Variants in AKT3 observed in about 807,000 individuals in gnomAD.
AKT3 encodes RAC-gamma serine/threonine-protein kinase.
Under a neutral mutation model 65.3 loss-of-function variants are expected in AKT3, and 15 were observed. That is an observed-to-expected ratio of 0.23 (90% CI 0.15 to 0.35). The LOEUF is 0.35. Among genes scored for constraint, AKT3 ranks in the 10% least tolerant of loss-of-function variants. The pLI is 1.00. For missense variants in AKT3, 243 were observed against 576.5 expected (o/e 0.42, Z 5.92); for synonymous variants, 206 against 183.8 (o/e 1.12, Z -0.98).
intron 4 of AKT3, among the ~76,000 whole-genome samples, chr1:243,654,159 T>C (rs575511508): frequency 6.6e-6 from 1 of 152,242 alleles, no homozygotes; most frequent in East Asian, 1.9e-4. Flanking sequence ...AATTGTAACT[T>C]AAATTATAAT....
chr1:243,615,003 A>C, intron 7 of AKT3, 93 bp downstream of exon 7: 1 of 914,850 alleles, frequency 1.1e-6, no homozygotes, highest in Non-Finnish European at 1.7e-6. Flanking sequence ...TGAGATATCT[A>C]AATGAATAGT....
chr1:243,819,753 G>A (rs537815142), intron 2 of AKT3, among the ~76,000 whole-genome samples: 1 of 152,202 alleles, frequency 6.6e-6, no homozygotes, highest in Admixed American at 6.5e-5. Flanking sequence ...GCTGGCATCA[G>A]GTCGGTGCCC....
In AKT3 at chr1:243,809,850, A is replaced by C. The variant is rs141405079; in HGVS notation, c.46+33275T>G. Among the ~76,000 whole-genome samples the C allele has an allele frequency of 8.2e-3, 1,249 of 152,328 alleles. 12 individuals are homozygous for C. The highest frequency in any genetic ancestry group is 0.029 in the African/African-American group (1,198 of 41,558). On this transcript the variant is annotated intron_variant, in intron 2 of 13. Coordinates refer to ENST00000673466, the MANE Select transcript of AKT3 (RefSeq NM_005465.7). The stretch of plus-strand genomic sequence containing the variant: ...CAAACTGTTTCTCAGACCACAGTGC[A>C]ACCAAACTAGAACTCAGGATTAAGA...
chr1:243,648,407 G>C (rs1013723202), intron 4 of AKT3, among the ~76,000 whole-genome samples: 1 of 152,090 alleles, frequency 6.6e-6, no homozygotes, highest in Non-Finnish European at 1.5e-5. Flanking sequence ...ACACAACTTT[G>C]AATTCTTGGG....
At chr1:243,703,536 G>A (rs1572198939) in intron 2 of AKT3, among the ~76,000 whole-genome samples, 2 of 151,966 alleles carry the variant, frequency 1.3e-5, no homozygotes, top group Non-Finnish European at 2.9e-5. Flanking sequence ...TGAGGCAGGC[G>A]GATCACTTGA....
At chr1:243,640,310 T>C (rs1171306624) in intron 5 of AKT3, among the ~76,000 whole-genome samples, 1 of 152,212 alleles carries the variant, frequency 6.6e-6, no homozygotes, top group Admixed American at 6.5e-5. Flanking sequence ...AAGCTATTTG[T>C]GCTAGGTAGT....
chr1:243,699,816 C>T (rs1483829002), intron 2 of AKT3, among the ~76,000 whole-genome samples: 2 of 151,876 alleles, frequency 1.3e-5, no homozygotes, highest in Non-Finnish European at 2.9e-5. Flanking sequence ...TCTAGGTAAG[C>T]CCTAAATCCA....
rs369512939 is a variant in AKT3, at chr1:243,795,475, G to GTTT, written c.46+47649_46+47650insAAA. Among the ~76,000 whole-genome samples, 76 of 87,988 alleles carry GTTT rather than the reference G, an allele frequency of 8.6e-4. 6 individuals carry two copies. The highest frequency in any genetic ancestry group is 1.0e-3 in the Non-Finnish European group (54 of 52,404). 57.7% of individuals were successfully genotyped at this position (87,988 alleles called of 152,430 possible). A position where few individuals can be genotyped will look rare whatever the true frequency, so the allele number is the denominator to read the frequency against. On this transcript the variant is annotated intron_variant, in intron 2 of 13. Coordinates refer to ENST00000673466, the MANE Select transcript of AKT3 (RefSeq NM_005465.7). ...TTTTTTTTTTTTGTTTTTTTTTTTT[G>GTTT]GTTTTTTTTTTTTTGAGACGGAGTC...
At chr1:243,835,864 CCAA>C (rs1252738276) in intron 2 of AKT3, among the ~76,000 whole-genome samples, 4 of 151,776 alleles carry the variant, frequency 2.6e-5, no homozygotes, top group Admixed American at 2.6e-4. Flanking sequence ...TTCAACCACA[CCAA>C]CAATAACATT....
intron 6 of AKT3, among the ~76,000 whole-genome samples, chr1:243,625,780 G>A (rs1679114772): frequency 6.6e-6 from 1 of 152,186 alleles, no homozygotes; most frequent in African/African-American, 2.4e-5. Context: ...CTTTGATTCT[G>A]AATGTTGCAG....
Position 243,502,822 on chromosome 1 carries a change from G to A in AKT3, c.*2427C>T. ...GTGGCCCGCCTGGGGCAATGTCAGT[G>A]CCAGTCATTAATCTTTAAGAAGTGT... On this transcript the variant is annotated 3_prime_UTR_variant, in exon 14 of 14. Transcript: ENST00000673466. 4.3e-6 allele frequency: 1 copy of A among 233,262 alleles called. No homozygotes were observed. The highest frequency in any genetic ancestry group is 6.0e-5 in the East Asian group (1 of 16,588). 14.4% of individuals were successfully genotyped at this position (233,262 alleles called of 1,614,324 possible). A position where few individuals can be genotyped will look rare whatever the true frequency, so the allele number is the denominator to read the frequency against.
chr1:243,750,524 C>G (rs1281566141), intron 2 of AKT3, among the ~76,000 whole-genome samples: 1 of 151,696 alleles, frequency 6.6e-6, no homozygotes, highest in East Asian at 1.9e-4. Flanking sequence ...TGTTTTAAAT[C>G]TGAATATACT....
At chr1:243,657,375 T>C (rs1185779213) in intron 4 of AKT3, among the ~76,000 whole-genome samples, 1 of 152,142 alleles carries the variant, frequency 6.6e-6, no homozygotes, top group African/African-American at 2.4e-5. Flanking sequence ...CCAAAGGGAC[T>C]AAGGCAAATC....
At chr1:243,557,037 T>C (rs991903146) in intron 10 of AKT3, among the ~76,000 whole-genome samples, 1 of 152,128 alleles carries the variant, frequency 6.6e-6, no homozygotes, top group Admixed American at 6.6e-5. Context: ...CCACCTCTCC[T>C]AGCACACACA....
At chr1:243,786,923 C>T (rs1259782359) in intron 2 of AKT3, among the ~76,000 whole-genome samples, 9 of 151,104 alleles carry the variant, frequency 6.0e-5, no homozygotes, top group Admixed American at 5.9e-4. Flanking sequence ...TTAAAGAAGG[C>T]AAAAAAAAGA....
At chr1:243,778,578 G>C (rs368339867) in intron 2 of AKT3, among the ~76,000 whole-genome samples, 10 of 152,162 alleles carry the variant, frequency 6.6e-5, no homozygotes, top group Non-Finnish European at 1.3e-4. Context: ...ACTGTGTTAA[G>C]AATACTGTGC....
At chr1:243,493,063 GC>G (rs1332027297) in intron 13 of AKT3, among the ~76,000 whole-genome samples, 2 of 152,186 alleles carry the variant, frequency 1.3e-5, no homozygotes, top group Admixed American at 1.3e-4. Context: ...CACTAGCCCA[GC>G]TTTGCCTAGA....
At chr1:243,557,278 A>G (rs1673474515) in intron 10 of AKT3, among the ~76,000 whole-genome samples, 1 of 152,100 alleles carries the variant, frequency 6.6e-6, no homozygotes, top group East Asian at 1.9e-4. Flanking sequence ...ATTGTAAAAT[A>G]CTATAGGTAA....
intron 2 of AKT3, among the ~76,000 whole-genome samples, chr1:243,832,154 A>AAAAAAAAAAAC (rs1694574618): frequency 9.1e-6 from 1 of 110,368 alleles, no homozygotes; most frequent in African/African-American, 3.5e-5. Flanking sequence ...AAAAAAAAAA[A>AAAAAAAAAAAC]AAAAAAAAAA....
Sources: gnomAD v4.1 joint callset for allele counts (sites outside exome capture counted in the v4.1 genomes callset) on GRCh38, gnomAD v4.1.1 for gene constraint, MANE v1.5 for transcripts, NCBI Gene and HGNC (gene_info 2026-07-23, HGNC 2026-07-21) for gene names.